The following RBM6 variants were observed in gnomAD, a reference collection of about 807,000 sequenced individuals.
The protein encoded by RBM6 is RNA-binding protein 6.
RBM6 carries 23 observed loss-of-function variants against 140.4 expected under a neutral mutation model. That is an observed-to-expected ratio of 0.16 (90% CI 0.12 to 0.23). RBM6 has a LOEUF of 0.23. Among genes scored for constraint, RBM6 ranks in the 10% least tolerant of loss-of-function variants. RBM6 has a pLI of 1.00. For synonymous variants in RBM6, 439 were observed against 475.6 expected (o/e 0.92, Z 1.00); for missense variants, 1,139 against 1,386.7 (o/e 0.82, Z 2.84).
intron 4 of RBM6, among the ~76,000 whole-genome samples, chr3:49,972,956 G>A (rs2084870718): frequency 1.3e-5 from 2 of 151,728 alleles, no homozygotes; most frequent in Admixed American, 6.6e-5. Flanking sequence ...GCAGCCTCCC[G>A]AGTAGCTGGG....
intron 6 of RBM6, among the ~76,000 whole-genome samples, chr3:50,019,306 A>C (rs1324143658): frequency 6.6e-6 from 1 of 152,092 alleles, no homozygotes; most frequent in South Asian, 2.1e-4. Context: ...GATTACAGGC[A>C]TGAGCCACCA....
chr3:49,968,673 C>G lies in RBM6; in HGVS notation c.1248C>G (p.Ser416Arg), dbSNP rs780713810. ...ATGTGGATCATAGGCTGCCAGGAAGCCAGATGTTTGGCTATGGCCAGAGCA... is the reference window on the plus strand; with the variant it reads ...ATGTGGATCATAGGCTGCCAGGAAGGCAGATGTTTGGCTATGGCCAGAGCA... ...YRDVDHRLPGSQMFGYGQSKS... is the reference protein window; with the variant it reads ...YRDVDHRLPGRQMFGYGQSKS... The change falls in exon 3 of 21, where the codon AGC (serine) becomes AGG (arginine). Residue 416 changes from serine to arginine, a missense_variant. Physicochemically the swap from Ser to Arg is moderately radical, Grantham distance 110. Transcript: ENST00000266022. 1.2e-6 allele frequency: 2 copies of G among 1,613,822 alleles called. No homozygotes were observed. The highest frequency in any genetic ancestry group is 2.2e-5 in the South Asian group (2 of 91,068).
At chr3:50,015,443 T>A (rs1244180519) in intron 6 of RBM6, among the ~76,000 whole-genome samples, 27 of 149,442 alleles carry the variant, frequency 1.8e-4, no homozygotes, top group African/African-American at 4.9e-4. Context: ...TTTTTTTTTT[T>A]TTTTTGAGAT....
chr3:49,940,785 T>A (rs1366425660), intron 1 of RBM6: 13 of 152,346 alleles, frequency 8.5e-5, no homozygotes, highest in Non-Finnish European at 1.6e-4. Flanking sequence ...AGGAGAAGGA[T>A]GTTTTATCGT....
chr3:50,018,985 T>C (rs1003095556), intron 6 of RBM6, among the ~76,000 whole-genome samples: 2 of 152,146 alleles, frequency 1.3e-5, no homozygotes, highest in African/African-American at 4.8e-5. Context: ...TAGAGTTCTG[T>C]TGCTCTGTAT....
intron 3 of RBM6, among the ~76,000 whole-genome samples, chr3:49,970,586 T>C (rs2084745831): frequency 6.6e-6 from 1 of 152,218 alleles, no homozygotes; most frequent in Admixed American, 6.5e-5. Context: ...CTGATATTAA[T>C]GTTGCAACTA....
At chr3:50,007,398 G>A (rs954896064) in intron 6 of RBM6, among the ~76,000 whole-genome samples, 1 of 151,792 alleles carries the variant, frequency 6.6e-6, no homozygotes, top group Admixed American at 6.6e-5. Context: ...TATTGCCCAG[G>A]CTGATCTCGA....
intron 19 of RBM6, among the ~76,000 whole-genome samples, chr3:50,072,868 C>T (rs912278625): frequency 3.3e-5 from 5 of 152,126 alleles, no homozygotes; most frequent in Admixed American, 2.6e-4. Context: ...CGGAAAGAGA[C>T]CCTTCTTTAT....
At chr3:49,975,285 T>C (rs1481256037) in intron 4 of RBM6, 38 bp from the exon 5 acceptor site, 1 of 1,476,812 alleles carries the variant, frequency 6.8e-7, no homozygotes, top group Middle Eastern at 1.7e-4. Context: ...TGTTTGATTA[T>C]GATTTGTATC....
chr3:50,031,530 A>G (rs144599470), intron 6 of RBM6, among the ~76,000 whole-genome samples: 162 of 151,258 alleles, frequency 1.1e-3, no homozygotes, highest in Non-Finnish European at 2.1e-3. Context: ...GAATTGAACA[A>G]TGAGAACACT....
chr3:49,954,439 C>CAA (rs529547115), intron 1 of RBM6, among the ~76,000 whole-genome samples: 3 of 80,362 alleles, frequency 3.7e-5, no homozygotes, highest in African/African-American at 4.8e-5. Context: ...GACTCCATCT[C>CAA]AAAAAAAAAA....
intron 6 of RBM6, among the ~76,000 whole-genome samples, chr3:50,042,734 C>T (rs571826176): frequency 2.6e-5 from 4 of 151,736 alleles, no homozygotes; most frequent in African/African-American, 4.9e-5. Context: ...GCAACAGAAG[C>T]GAGACCCTGT....
Position 50,028,664 on chromosome 3 carries a change from G to A in RBM6, c.1558-19581G>A, listed in dbSNP as rs909751403. Reference sequence around the variant, plus strand: ...CCTGGGTAATGACTAGCAAATAGGTGGTCAACAGATGTCCTCATTAGATTG... The same window carrying A: ...CCTGGGTAATGACTAGCAAATAGGTAGTCAACAGATGTCCTCATTAGATTG... On this transcript the variant is annotated intron_variant, in intron 6 of 20. Transcript: ENST00000266022. 7.9e-5 allele frequency among the ~76,000 whole-genome samples: 12 copies of A among 152,098 alleles called. No individual in the cohort carries two copies. In the East Asian group the frequency reaches 2.3e-3, roughly 29 times the overall value.
intron 11 of RBM6, 130 bp downstream of exon 11, chr3:50,059,876 A>T: frequency 1.6e-6 from 1 of 642,300 alleles, no homozygotes; most frequent in Non-Finnish European, 2.6e-6. Context: ...ATAGGTGTTT[A>T]TTACAGTTTC....
chr3:49,977,943 C>A (rs1409631868), intron 5 of RBM6, among the ~76,000 whole-genome samples: 1 of 151,984 alleles, frequency 6.6e-6, no homozygotes, highest in Non-Finnish European at 1.5e-5. Flanking sequence ...ATAGCAAGAC[C>A]TTGTCTCTTA....
intron 6 of RBM6, among the ~76,000 whole-genome samples, chr3:50,034,843 A>G: frequency 6.6e-6 from 1 of 152,226 alleles, no homozygotes; most frequent in East Asian, 1.9e-4. Flanking sequence ...TAGCAAGGGC[A>G]GTTTTCCTTC....
intron 16 of RBM6, among the ~76,000 whole-genome samples, chr3:50,065,800 A>G (rs957969988): frequency 1.3e-5 from 2 of 152,164 alleles, no homozygotes; most frequent in Non-Finnish European, 2.9e-5. Flanking sequence ...TTTACCTTAC[A>G]TGTGAGCTGG....
At position 50,040,307 on chromosome 3, in the gene RBM6, G is replaced by A. The variant is rs146368198; in HGVS notation, c.1558-7938G>A. Among the ~76,000 whole-genome samples the A allele has an allele frequency of 2.2e-4, 33 of 151,516 alleles. 1 individual carries two copies. The highest frequency in any genetic ancestry group is 1.7e-3 in the East Asian group (9 of 5,144). ...TAAAAATACAAAAAATTAGCCAGGC[G>A]TGGTGATGGGTGCCTGTAGTCCCAG... is the stretch of plus-strand genomic sequence containing the variant. On this transcript the variant is annotated intron_variant, in intron 6 of 20. Transcript: ENST00000266022.
At chr3:49,955,659 A>G (rs1372572512) in intron 1 of RBM6, among the ~76,000 whole-genome samples, 1 of 151,908 alleles carries the variant, frequency 6.6e-6, no homozygotes, top group Non-Finnish European at 1.5e-5. Context: ...CCTGGCCAAC[A>G]TGGTGAAACC....
Sources: gnomAD v4.1 joint callset for allele counts (sites outside exome capture counted in the v4.1 genomes callset) on GRCh38, gnomAD v4.1.1 for gene constraint, MANE v1.5 for transcripts, NCBI Gene and HGNC (gene_info 2026-07-23, HGNC 2026-07-21) for gene names.